The following BAZ2B variants were observed in gnomAD, a reference collection of about 807,000 sequenced individuals.
BAZ2B encodes bromodomain adjacent to zinc finger domain protein 2B.
In BAZ2B, 91 loss-of-function variants were observed where a neutral mutation model predicts 246.0. That is an observed-to-expected ratio of 0.37 (90% CI 0.31 to 0.44). The LOEUF is 0.44. BAZ2B is among the 20% of genes least tolerant of loss of function. BAZ2B has a pLI of 1.00. For synonymous variants in BAZ2B, 855 were observed against 860.0 expected (o/e 0.99, Z 0.10); for missense variants, 2,332 against 2,533.7 (o/e 0.92, Z 1.71).
chr2:159,424,902 G>A (rs976785456), intron 13 of BAZ2B, among the ~76,000 whole-genome samples: 2 of 152,128 alleles, frequency 1.3e-5, no homozygotes, highest in East Asian at 3.8e-4. Context: ...GTTGACTACA[G>A]ATACATTTTT....
At chr2:159,521,496 A>T (rs1212955304) in intron 2 of BAZ2B, among the ~76,000 whole-genome samples, 1 of 152,090 alleles carries the variant, frequency 6.6e-6, no homozygotes, top group Non-Finnish European at 1.5e-5. Flanking sequence ...ATTGCATAAC[A>T]ATGAGATTTG....
chr2:159,554,655 T>C (rs2088825378), intron 2 of BAZ2B, among the ~76,000 whole-genome samples: 1 of 152,072 alleles, frequency 6.6e-6, no homozygotes, highest in African/African-American at 2.4e-5. Context: ...GAATTTATAC[T>C]TCTAATAATT....
At chr2:159,541,439 G>C (rs2086651205) in intron 2 of BAZ2B, among the ~76,000 whole-genome samples, 1 of 151,846 alleles carries the variant, frequency 6.6e-6, no homozygotes. Flanking sequence ...CACCATCCCT[G>C]GCTAATTTTT....
chr2:159,426,686 A>G (rs1266094628), intron 13 of BAZ2B, among the ~76,000 whole-genome samples: 1 of 152,178 alleles, frequency 6.6e-6, no homozygotes. Flanking sequence ...GGACTACAAT[A>G]GAAAATAGGT....
intron 2 of BAZ2B, among the ~76,000 whole-genome samples, chr2:159,528,193 T>C (rs1055146930): frequency 2.6e-5 from 4 of 152,110 alleles, no homozygotes; most frequent in East Asian, 1.9e-4. Context: ...TATATCATCA[T>C]TGAGAGGATG....
chr2:159,477,826 G>T (rs550950997), intron 3 of BAZ2B, among the ~76,000 whole-genome samples: 1 of 152,062 alleles, frequency 6.6e-6, no homozygotes, highest in Non-Finnish European at 1.5e-5. Flanking sequence ...ATATTTTCAC[G>T]TTTGAAATAA....
the BAZ2B span, among the ~76,000 whole-genome samples, chr2:159,700,767 T>C: frequency 8.5e-5 from 13 of 152,208 alleles, no homozygotes; most frequent in African/African-American, 3.1e-4. Context: ...TTCTTATTGT[T>C]TTTTTTTCCT....
At chr2:159,499,208 T>C (rs1309846965) in intron 2 of BAZ2B, among the ~76,000 whole-genome samples, 1 of 152,156 alleles carries the variant, frequency 6.6e-6, no homozygotes, top group Non-Finnish European at 1.5e-5. Flanking sequence ...CACCAGTGTG[T>C]GTATATCTCC....
At chr2:159,558,966 C>T (rs34414156) in intron 1 of BAZ2B, among the ~76,000 whole-genome samples, 18,541 of 152,024 alleles carry the variant, frequency 0.12, 1,308 homozygotes, top group East Asian at 0.22. Flanking sequence ...AGGCCAGGCG[C>T]GGGTGGTTCA....
chr2:159,389,032 G>C (rs1559219958), intron 21 of BAZ2B, among the ~76,000 whole-genome samples: 1 of 152,092 alleles, frequency 6.6e-6, no homozygotes, highest in African/African-American at 2.4e-5. Context: ...GCTTCAGTGA[G>C]CTATAATCCT....
chr2:159,710,312 G>A, the BAZ2B span, among the ~76,000 whole-genome samples: 1 of 151,374 alleles, frequency 6.6e-6, no homozygotes, highest in Non-Finnish European at 1.5e-5. Flanking sequence ...GGGTTCAAGT[G>A]ATTCTTCTGC....
the BAZ2B span, among the ~76,000 whole-genome samples, chr2:159,698,032 T>A: frequency 2.0e-5 from 3 of 152,162 alleles, no homozygotes; most frequent in Non-Finnish European, 4.4e-5. Flanking sequence ...ATACCTATTA[T>A]AAGAGAGATT....
At chr2:159,409,439 G>GA (rs1325851791) in intron 14 of BAZ2B, among the ~76,000 whole-genome samples, 3 of 152,144 alleles carry the variant, frequency 2.0e-5, no homozygotes, top group Admixed American at 2.0e-4. Flanking sequence ...TATATAGAAT[G>GA]AAAGTCTTTA....
At chr2:159,494,365 G>T (rs895106713) in intron 2 of BAZ2B, among the ~76,000 whole-genome samples, 2 of 152,104 alleles carry the variant, frequency 1.3e-5, no homozygotes, top group African/African-American at 4.8e-5. Context: ...GGGAAGCACA[G>T]AAGGATTTTA....
chr2:159,557,220 AT>A (rs369943226), intron 1 of BAZ2B, among the ~76,000 whole-genome samples: 44,981 of 123,960 alleles, frequency 0.36, 7,880 homozygotes, highest in Admixed American at 0.48. Context: ...TGGCTAATTA[AT>A]TTTTTTTTTT....
the BAZ2B span, among the ~76,000 whole-genome samples, chr2:159,655,831 A>C: frequency 6.6e-6 from 1 of 152,130 alleles, no homozygotes; most frequent in African/African-American, 2.4e-5. Flanking sequence ...ATCTATTTAG[A>C]GTCCCCCTTT....
At chr2:159,658,464 T>C in the BAZ2B span, among the ~76,000 whole-genome samples, 1 of 152,218 alleles carries the variant, frequency 6.6e-6, no homozygotes, top group African/African-American at 2.4e-5. Context: ...CTCATGAGTA[T>C]GCAGAACCAC....
At chr2:159,413,360 C>G (rs940433434) in intron 13 of BAZ2B, among the ~76,000 whole-genome samples, 4 of 152,146 alleles carry the variant, frequency 2.6e-5, no homozygotes, top group Admixed American at 6.5e-5. Context: ...ATGTATCAAA[C>G]AAGCCCAATT....
At chr2:159,469,012 T>C (rs1023631186) in intron 3 of BAZ2B, among the ~76,000 whole-genome samples, 5 of 147,872 alleles carry the variant, frequency 3.4e-5, no homozygotes, top group Non-Finnish European at 7.4e-5. Context: ...GATTGAGCCA[T>C]TGCACTCAGC....
Sources: gnomAD v4.1 joint callset for allele counts (sites outside exome capture counted in the v4.1 genomes callset) on GRCh38, gnomAD v4.1.1 for gene constraint, MANE v1.5 for transcripts, NCBI Gene and HGNC (gene_info 2026-07-23, HGNC 2026-07-21) for gene names.